Variants in DNAH1 observed in about 807,000 individuals in gnomAD.
DNAH1 encodes axonemal beta dynein heavy chain 1.
DNAH1 carries 327 observed loss-of-function variants against 484.3 expected under a neutral mutation model. The ratio of observed to expected loss-of-function variants is 0.68; its 90% CI spans 0.62 to 0.74. The LOEUF is 0.74. Ranked by LOEUF, DNAH1 falls within the 30% of genes least tolerant of loss-of-function variation. The pLI, the probability that DNAH1 is intolerant of heterozygous loss-of-function variation, is 0.00. For synonymous variants in DNAH1, 2,192 were observed against 2,191.9 expected (o/e 1.00, Z 0.00); for missense variants, 5,052 against 5,546.8 (o/e 0.91, Z 2.83).
rs1001203141 is a variant in DNAH1, at chr3:52,396,252, A to G, written c.11260-116A>G. The G allele has an allele frequency of 3.4e-6, 4 of 1,171,946 alleles. No individual in the cohort carries two copies. The Admixed American group carries it at 7.7e-5, about 22-fold the overall frequency. 72.6% of individuals were successfully genotyped at this position (1,171,946 alleles called of 1,614,324 possible). On this transcript the variant is annotated intron_variant, in intron 70 of 77. Coordinates refer to ENST00000420323, the MANE Select transcript of DNAH1 (RefSeq NM_015512.5). The stretch of plus-strand genomic sequence containing the variant: ...CCAGCCAAAAGCCCAATTCTTAACC[A>G]GTTGTCTGTGCAGCCTCGCCTGACC...
chr3:52,323,733 G>T (rs1195734044), intron 2 of DNAH1, 75 bp from the exon 3 acceptor site: 1 of 1,272,996 alleles, frequency 7.9e-7, no homozygotes, highest in African/African-American at 1.5e-5. Flanking sequence ...AGGCGCCTGG[G>T]CTCGGGGTCC....
At chr3:52,352,482 G>T in intron 17 of DNAH1, 70 bp from the exon 18 acceptor site, 1 of 1,556,792 alleles carries the variant, frequency 6.4e-7, no homozygotes. Flanking sequence ...GGTTCCCTGG[G>T]TTTGCATGGG....
Position 52,389,449 on chromosome 3 carries a change from G to A in DNAH1, c.9496-12G>A, listed in dbSNP as rs760842094. 6.2e-7 allele frequency: 1 copy of A among 1,611,132 alleles called. No homozygotes were observed. The highest frequency in any genetic ancestry group is 8.5e-7 in the Non-Finnish European group (1 of 1,178,808). On this transcript the variant is annotated splice_polypyrimidine_tract_variant and intron_variant, in intron 59 of 77. Coordinates refer to ENST00000420323, the MANE Select transcript of DNAH1 (RefSeq NM_015512.5). ...TCATGGTGGGGTGGTCCTGAGTCTG[G>A]CATCTCCCCAGGGCCAGTACCGCAC...
At chr3:52,315,967 C>CCAGGTGCTGAG (rs1700935914), upstream of DNAH1, among the ~76,000 whole-genome samples, 3 of 152,200 alleles carry the variant, frequency 2.0e-5, no homozygotes, top group African/African-American at 7.2e-5. Flanking sequence ...CTGGTAAAAG[C>CCAGGTGCTGAG]AGCACCCCCG....
At chr3:52,347,063 G>A (rs533700421) in intron 11 of DNAH1, among the ~76,000 whole-genome samples, 25 of 149,776 alleles carry the variant, frequency 1.7e-4, no homozygotes, top group Admixed American at 5.9e-4. Context: ...CCAGTCCCTG[G>A]TCTCATGGGA....
chr3:52,375,622 G>A (rs1041260380), intron 45 of DNAH1, among the ~76,000 whole-genome samples: 1 of 152,196 alleles, frequency 6.6e-6, no homozygotes, highest in Admixed American at 6.5e-5. Context: ...ATTCCAGGTC[G>A]TGAGGGTTAA....
At chr3:52,319,632 GTTC>G (rs1701071077) in intron 1 of DNAH1, among the ~76,000 whole-genome samples, 2 of 152,208 alleles carry the variant, frequency 1.3e-5, no homozygotes, top group Non-Finnish European at 2.9e-5. Flanking sequence ...TGGGAGCCAT[GTTC>G]TTCTCCCTCC....
In DNAH1 at chr3:52,331,216, A is replaced by G. The variant is rs1454699162; in HGVS notation, c.940A>G (p.Lys314Glu). 4 of 1,610,314 alleles carry G rather than the reference A, an allele frequency of 2.5e-6. No homozygotes were observed. The East Asian group carries it at 8.9e-5, about 36-fold the overall frequency. ...CGGCGTCCTGGACTACGACGAGGAG[A>G]AGAAGCTATACCTGGTACACAAGAC... is the stretch of plus-strand genomic sequence containing the variant. ...EVGVLDYDEE[K>E]KLYLVHKTDE... is the part of the protein sequence containing the mutation. Residue 314 changes from lysine to glutamate, a missense_variant, in exon 7 of 78, where the codon AAG becomes GAG. Lys to Glu is a moderately conservative substitution (Grantham distance 56, BLOSUM62 1). Around this residue, in one of 4 missense-constraint regions of DNAH1, gnomAD observed 1,263 missense variants for 1,218.8 expected, o/e 1.04. Coordinates refer to ENST00000420323, the MANE Select transcript of DNAH1 (RefSeq NM_015512.5).
chr3:52,370,095 G>C lies in DNAH1; in HGVS notation c.6139-15G>C. On this transcript the variant is annotated splice_polypyrimidine_tract_variant and intron_variant, in intron 38 of 77. Coordinates refer to ENST00000420323, the MANE Select transcript of DNAH1 (RefSeq NM_015512.5). ...TGGCTGCCAGCCATGAGAACTGGGT[G>C]CCTACTCCCTGCAGGAATCCATCTC... 1 of 1,613,838 alleles carries C rather than the reference G, an allele frequency of 6.2e-7. No individual in the cohort carries two copies.
Position 52,384,018 on chromosome 3 carries a change from A to T in DNAH1, c.8309A>T (p.Glu2770Val). The change falls in exon 52 of 78, where the codon GAA becomes GTA. Residue 2770 changes from glutamate to valine, a missense_variant. By Grantham distance (121) the Glu-to-Val change is moderately radical (BLOSUM62 -2). Coordinates refer to ENST00000420323, the MANE Select transcript of DNAH1 (RefSeq NM_015512.5). ...CCAGAACTGGAATCCTCCCAGGAAG[A>T]AATCCAAGGACTGGTGGGTGTCTTG... ...EIPELESSQEEIQGLIQVCVY... is the reference protein window; with the variant it reads ...EIPELESSQEVIQGLIQVCVY... 6.2e-7 allele frequency: 1 copy of T among 1,605,360 alleles called. No individual in the cohort carries two copies.
At chr3:52,338,781 T>G (rs1480874084) in intron 8 of DNAH1, among the ~76,000 whole-genome samples, 2 of 151,934 alleles carry the variant, frequency 1.3e-5, no homozygotes, top group African/African-American at 2.4e-5. Flanking sequence ...ATCCCAGCAC[T>G]TTGGGAGGCT....
At chr3:52,373,717 T>C in intron 44 of DNAH1, 1 of 1,376,664 alleles carries the variant, frequency 7.3e-7, no homozygotes, top group Non-Finnish European at 1.0e-6. Context: ...TGCGTCCTTT[T>C]TGACTTTGTT....
At position 52,395,784 on chromosome 3, in the gene DNAH1, T is replaced by C. The variant is rs2153225731; in HGVS notation, c.11259+106T>C. 3 of 1,481,474 alleles carry C rather than the reference T, an allele frequency of 2.0e-6. No homozygotes were observed. The highest frequency in any genetic ancestry group is 2.6e-5 in the South Asian group (2 of 77,504). 91.8% of individuals were successfully genotyped at this position (1,481,474 alleles called of 1,614,324 possible). On this transcript the variant is annotated intron_variant, in intron 70 of 77. Transcript: ENST00000420323. This position sits in a 1 kb window ranked among gnomAD's most constrained non-coding sequence, Gnocchi z 4.4. ...CATGCCAAGCACTCTGCCCAGCCTC[T>C]AGCACGTGGCAAGTGCTCAGCAACT... is the stretch of plus-strand genomic sequence containing the variant.
chr3:52,355,184 T>A lies in DNAH1; in HGVS notation c.3693+129T>A. The A allele has an allele frequency of 1.1e-6, 1 of 906,248 alleles. No individual in the cohort carries two copies. Among genetic ancestry groups the A allele is most frequent in the East Asian group, 2.6e-5 (1 of 38,194 alleles). The allele number at this position is 906,248 out of a possible 1,614,324, so 56.1% of individuals were successfully genotyped here. On this transcript the variant is annotated intron_variant, in intron 21 of 77. Transcript: ENST00000420323. The surrounding 1 kb of genome is among the most constrained non-coding windows in gnomAD (Gnocchi z 4.5). ...GCCTTGCCCTCATTCACACAGCCCC[T>A]GGCTCTCTGGCAGGCCCCGCCCTAC... is the stretch of plus-strand genomic sequence containing the variant.
At chr3:52,383,703 G>C in intron 51 of DNAH1, 109 bp downstream of exon 51, 2 of 1,403,772 alleles carry the variant, frequency 1.4e-6, no homozygotes, top group Non-Finnish European at 1.9e-6. Flanking sequence ...ATGAGGAGAC[G>C]CGGCCCTGGG....
At position 52,326,908 on chromosome 3, in the gene DNAH1, C is replaced by T. The variant is rs1173036203; in HGVS notation, c.738+17C>T. The T allele has an allele frequency of 6.2e-6, 10 of 1,608,542 alleles. No individual in the cohort carries two copies. The highest frequency in any genetic ancestry group is 2.7e-5 in the African/African-American group (2 of 74,702). ...CCACTGAAGGTGAGCCGGGCTTCCA[C>T]AGATGGTTGAGAGACAGGGGCAGAA... On this transcript the variant is annotated intron_variant, in intron 5 of 77. Transcript: ENST00000420323.
In DNAH1 at chr3:52,353,691, C is replaced by T; in HGVS notation, c.3480+58C>T. The stretch of plus-strand genomic sequence containing the variant: ...GCCAGGCCCTGCCGGACAGCCTGAC[C>T]TCCTGCTCTGGCAACCACAGCCACT... On this transcript the variant is annotated intron_variant, in intron 20 of 77. Coordinates refer to ENST00000420323, the MANE Select transcript of DNAH1 (RefSeq NM_015512.5). This position sits in a 1 kb window ranked among gnomAD's most constrained non-coding sequence, Gnocchi z 5.0. 6.5e-7 allele frequency: 1 copy of T among 1,546,504 alleles called. No individual in the cohort carries two copies. The highest frequency in any genetic ancestry group is 8.7e-7 in the Non-Finnish European group (1 of 1,147,572).
At position 52,391,404 on chromosome 3, in the gene DNAH1, T is replaced by TG. The variant is rs1390231961; in HGVS notation, c.9892-38dup. ...TCCCCTTCCCCTGCCCCACTGGTGA[T>TG]GCTCAGGCCACAGTACCCACCGGTC... is the stretch of plus-strand genomic sequence containing the variant. On this transcript the variant is annotated intron_variant, in intron 62 of 77. Coordinates refer to ENST00000420323, the MANE Select transcript of DNAH1 (RefSeq NM_015512.5). The TG allele has an allele frequency of 5.6e-6, 9 of 1,595,122 alleles. No homozygotes were observed. In the East Asian group the frequency reaches 1.8e-4, roughly 32 times the overall value.
intron 42 of DNAH1, 67 bp from the exon 43 acceptor site, chr3:52,372,160 A>C (rs972269460): frequency 6.2e-7 from 1 of 1,610,028 alleles, no homozygotes; most frequent in East Asian, 2.2e-5. Flanking sequence ...TCCCACATGG[A>C]TGCAGGGGCA....
Sources: allele counts gnomAD v4.1 joint callset (sites outside exome capture counted in the v4.1 genomes callset), GRCh38; gene constraint gnomAD v4.1.1; regional missense constraint gnomAD v4.1.1; non-coding constraint Gnocchi (gnomAD v3.1); transcripts MANE v1.5; gene names NCBI Gene and HGNC (gene_info 2026-07-23, HGNC 2026-07-21).